MYT1L: variants seen among roughly 807,000 people sequenced by gnomAD.
The protein encoded by MYT1L is myelin transcription factor 1-like protein.
MYT1L carries 12 observed loss-of-function variants against 126.7 expected under a neutral mutation model. The observed-to-expected ratio is 0.09, with a 90% CI of 0.06 to 0.15. The LOEUF (loss-of-function observed/expected upper bound fraction) is 0.15. Among genes scored for constraint, MYT1L ranks in the 10% least tolerant of loss-of-function variants. The probability of loss-of-function intolerance (pLI) is 1.00; values close to 1 mark genes in which losing one functional copy is unlikely to be tolerated. For missense variants in MYT1L, 979 were observed against 1,585.2 expected, an observed-to-expected ratio of 0.62 and a Z score of 6.49; for synonymous variants, 541 against 604.2, an observed-to-expected ratio of 0.90 and a Z score of 1.53.
At chr2:2,127,332 C>T (rs1265883935) in intron 3 of MYT1L, among the ~76,000 whole-genome samples, 1 of 152,142 alleles carries the variant, frequency 6.6e-6, no homozygotes, top group Non-Finnish European at 1.5e-5. Flanking sequence ...TCACAACTAG[C>T]CAAAGAGCCT....
chr2:2,084,764 C>T (rs1388371581), intron 3 of MYT1L, among the ~76,000 whole-genome samples: 3 of 152,148 alleles, frequency 2.0e-5, no homozygotes, highest in African/African-American at 4.8e-5. Context: ...TTTTAGGCAA[C>T]TAAGTACTGG....
Position 1,922,737 on chromosome 2 carries a change from G to A in MYT1L, c.1032C>T (p.Thr344=), listed in dbSNP as rs1215614248. 1.9e-6 allele frequency: 3 copies of A among 1,613,782 alleles called. No individual in the cohort carries two copies. Among genetic ancestry groups the A allele is most frequent in the Non-Finnish European group, 2.5e-6 (3 of 1,179,898 alleles). The change falls in exon 10 of 25, where the codon ACC becomes ACT. Residue 344 remains threonine (T), a synonymous_variant. Transcript: ENST00000647738. This position sits in a 1 kb window ranked among gnomAD's most constrained non-coding sequence, Gnocchi z 7.4. ...GCTGCGGATTCCTCTCCTGCGGGTT[G>A]GTCTCACTGAGCTTCCTGGCCAGGT... ...CFDLARKLSE[T]NPQERNPQQN... is the part of the protein sequence containing the mutation.
intron 2 of MYT1L, among the ~76,000 whole-genome samples, chr2:2,237,254 G>A (rs918953069): frequency 2.6e-5 from 4 of 152,006 alleles, no homozygotes; most frequent in Non-Finnish European, 4.4e-5. Context: ...CATTCCGTCT[G>A]AAGATTTCAA....
intron 21 of MYT1L, among the ~76,000 whole-genome samples, chr2:1,832,436 C>T (rs915783168): frequency 6.6e-6 from 1 of 152,222 alleles, no homozygotes; most frequent in African/African-American, 2.4e-5. Flanking sequence ...TCATTCTTTC[C>T]TTGTGTTCCC....
intron 1 of MYT1L, among the ~76,000 whole-genome samples, chr2:2,292,213 T>C (rs1259600464): frequency 6.6e-6 from 1 of 152,178 alleles, no homozygotes. Context: ...GGCCTGCAGC[T>C]CTGGGGTCCG....
chr2:2,003,225 G>A (rs895921577), intron 4 of MYT1L, among the ~76,000 whole-genome samples: 3 of 152,102 alleles, frequency 2.0e-5, no homozygotes, highest in Non-Finnish European at 4.4e-5. Flanking sequence ...TCTGGTGTGT[G>A]TCTCTCAACA....
rs1343803199 is a variant in MYT1L, at chr2:1,910,247, C to T, written c.1810G>A (p.Val604Met). The T allele has an allele frequency of 1.2e-6, 2 of 1,612,980 alleles. No homozygotes were observed. Among genetic ancestry groups the T allele is most frequent in the Non-Finnish European group, 1.7e-6 (2 of 1,179,850 alleles). ...VSKSSQASDR[V>M]LRPMCFVKQL... The stretch of plus-strand genomic sequence containing the variant: ...TGCACTCCTGCTGGGTACCTGAGCA[C>T]GCGGTCCGAGGCCTGGCTGGACTTG... Residue 604 changes from valine to methionine, a missense_variant, in exon 13 of 25, where the codon GTG becomes ATG. By Grantham distance (21) the Val-to-Met change is conservative (BLOSUM62 1). Around this residue, in one of 12 missense-constraint regions of MYT1L, gnomAD observed 82 missense variants for 177.2 expected, o/e 0.46. Coordinates refer to ENST00000647738, the MANE Select transcript of MYT1L (RefSeq NM_001303052.2). This position sits in a 1 kb window ranked among gnomAD's most constrained non-coding sequence, Gnocchi z 4.8.
At chr2:2,198,186 T>A (rs960331261) in intron 2 of MYT1L, among the ~76,000 whole-genome samples, 8 of 152,076 alleles carry the variant, frequency 5.3e-5, no homozygotes, top group African/African-American at 1.9e-4. Flanking sequence ...ACTGCATGAT[T>A]TCATTCATAC....
At chr2:2,087,215 G>A (rs1461484378) in intron 3 of MYT1L, among the ~76,000 whole-genome samples, 1 of 152,154 alleles carries the variant, frequency 6.6e-6, no homozygotes, top group Non-Finnish European at 1.5e-5. Flanking sequence ...TACAGGTAGA[G>A]GCCAGGTACT....
chr2:2,186,064 C>G (rs111437718), intron 2 of MYT1L, among the ~76,000 whole-genome samples: 1 of 116,032 alleles, frequency 8.6e-6, no homozygotes, highest in African/African-American at 3.8e-5. Context: ...CTCCCAGACG[C>G]CCGCGTTCCT....
intron 2 of MYT1L, among the ~76,000 whole-genome samples, chr2:2,269,147 A>T (rs1050939572): frequency 1.3e-5 from 2 of 152,192 alleles, no homozygotes; most frequent in Admixed American, 6.5e-5. Context: ...TTTCTAAATT[A>T]TCTGGAGATA....
intron 3 of MYT1L, among the ~76,000 whole-genome samples, chr2:2,161,834 G>C (rs2087989841): frequency 6.6e-6 from 1 of 152,084 alleles, no homozygotes; most frequent in Non-Finnish European, 1.5e-5. Flanking sequence ...TTTATATCCA[G>C]GCCCTATACT....
At chr2:2,263,519 C>T (rs2095043553) in intron 2 of MYT1L, among the ~76,000 whole-genome samples, 1 of 152,182 alleles carries the variant, frequency 6.6e-6, no homozygotes, top group African/African-American at 2.4e-5. Flanking sequence ...ACACAGATAC[C>T]AAGCAAGACA....
intron 21 of MYT1L, among the ~76,000 whole-genome samples, chr2:1,823,634 G>A (rs2038881501): frequency 6.6e-6 from 1 of 150,474 alleles, no homozygotes; most frequent in Non-Finnish European, 1.5e-5. Context: ...CTGCAGGTGG[G>A]TCGTGCTCCT....
chr2:2,235,300 T>G (rs1358502599), intron 2 of MYT1L, among the ~76,000 whole-genome samples: 1 of 150,640 alleles, frequency 6.6e-6, no homozygotes, highest in Non-Finnish European at 1.5e-5. Context: ...CTTAGAGGGG[T>G]GTGTGTAGAG....
At chr2:1,951,699 T>C (rs1279095501) in intron 8 of MYT1L, among the ~76,000 whole-genome samples, 1 of 152,204 alleles carries the variant, frequency 6.6e-6, no homozygotes, top group Non-Finnish European at 1.5e-5. Context: ...GTAGTGCCCA[T>C]GCTACACACT....
At chr2:2,266,943 A>G (rs1420260986) in intron 2 of MYT1L, among the ~76,000 whole-genome samples, 1 of 152,102 alleles carries the variant, frequency 6.6e-6, no homozygotes, top group African/African-American at 2.4e-5. Flanking sequence ...TTTATAAATT[A>G]CCCAGTCTCG....
chr2:2,266,835 T>G (rs1221843304), intron 2 of MYT1L, among the ~76,000 whole-genome samples: 1 of 152,224 alleles, frequency 6.6e-6, no homozygotes, highest in Non-Finnish European at 1.5e-5. Flanking sequence ...CCTTCTCTTG[T>G]CTGCTGTCAT....
At chr2:2,330,045 A>G (rs982302554) in intron 1 of MYT1L, among the ~76,000 whole-genome samples, 1 of 151,888 alleles carries the variant, frequency 6.6e-6, no homozygotes, top group African/African-American at 2.4e-5. Context: ...TCTGTATGGG[A>G]GACATGACTT....
Sources: gnomAD v4.1 joint callset for allele counts (sites outside exome capture counted in the v4.1 genomes callset) on GRCh38, gnomAD v4.1.1 for gene constraint, gnomAD v4.1.1 regional missense constraint, Gnocchi (gnomAD v3.1) non-coding constraint, MANE v1.5 for transcripts, NCBI Gene and HGNC (gene_info 2026-07-23, HGNC 2026-07-21) for gene names.